The following CHD6 variants were observed in gnomAD, a reference collection of about 807,000 sequenced individuals.
CHD6 encodes ATP-dependent chromatin remodeler CHD6.
In CHD6, 50 loss-of-function variants were observed where a neutral mutation model predicts 276.9. That is an observed-to-expected ratio of 0.18 (90% confidence interval 0.14 to 0.23). CHD6 has a LOEUF of 0.23. CHD6 is among the 10% of genes least tolerant of loss of function. The pLI, the probability that CHD6 is intolerant of heterozygous loss-of-function variation, is 1.00. For synonymous variants in CHD6, 1,173 were observed against 1,229.3 expected, an observed-to-expected ratio of 0.95 and a Z score of 0.96; for missense variants, 2,564 against 3,365.8, an observed-to-expected ratio of 0.76 and a Z score of 5.89.
chr20:41,545,577 C>T (rs1198716440), intron 2 of CHD6, among the ~76,000 whole-genome samples: 1 of 152,132 alleles, frequency 6.6e-6, no homozygotes, highest in Non-Finnish European at 1.5e-5. Context: ...ACCATATTAT[C>T]AACTTTGCTA....
intron 20 of CHD6, among the ~76,000 whole-genome samples, chr20:41,454,252 G>A (rs780140028): frequency 6.6e-6 from 1 of 152,300 alleles, no homozygotes; most frequent in East Asian, 1.9e-4. Context: ...ACAAACTTTT[G>A]TCATGCTTTT....
chr20:41,545,122 TA>T (rs1386617677), intron 2 of CHD6, among the ~76,000 whole-genome samples: 9 of 152,300 alleles, frequency 5.9e-5, no homozygotes, highest in Middle Eastern at 3.4e-3. Flanking sequence ...TATCCTCCTC[TA>T]ACTCTCCCCA....
At chr20:41,546,547 C>A (rs1399882480) in intron 2 of CHD6, among the ~76,000 whole-genome samples, 20 of 152,140 alleles carry the variant, frequency 1.3e-4, no homozygotes, top group Non-Finnish European at 2.9e-5. Context: ...TTTCCCAGTG[C>A]CAAGCAGGAG....
intron 23 of CHD6, 132 bp from the exon 24 acceptor site, chr20:41,448,103 G>C: frequency 2.1e-6 from 1 of 483,016 alleles, no homozygotes; most frequent in Non-Finnish European, 3.7e-6. Context: ...AGAAGAGAAG[G>C]CACTAGAAAA....
At chr20:41,584,251 A>G (rs1248459782) in intron 1 of CHD6, among the ~76,000 whole-genome samples, 1 of 152,196 alleles carries the variant, frequency 6.6e-6, no homozygotes, top group East Asian at 1.9e-4. Flanking sequence ...ATAGAGAGAC[A>G]TCACATAATG....
intron 35 of CHD6, among the ~76,000 whole-genome samples, chr20:41,412,537 C>A (rs964648959): frequency 6.6e-6 from 1 of 152,200 alleles, no homozygotes; most frequent in Non-Finnish European, 1.5e-5. Flanking sequence ...GCTGCCAGGG[C>A]CCTGTTAATC....
Position 41,421,791 on chromosome 20 carries a change from T to A in CHD6, c.4844A>T (p.Tyr1615Phe). 6.2e-7 allele frequency: 1 copy of A among 1,614,186 alleles called. No homozygotes were observed. The highest frequency in any genetic ancestry group is 8.5e-7 in the Non-Finnish European group (1 of 1,180,040). The stretch of plus-strand genomic sequence containing the variant: ...GGTGCCAGATCTTTTATGCTGGGCA[T>A]AGTTTCTATAGGCATCCAGGAAGGA... ...QLSFLDAYRN[Y>F]AQHKRSGTQA... is the part of the protein sequence containing the mutation. The change falls in exon 31 of 37, where the codon TAT becomes TTT. Residue 1615 changes from tyrosine to phenylalanine, a missense_variant. Tyr to Phe is a conservative substitution (Grantham distance 22). Coordinates refer to ENST00000373233, the MANE Select transcript of CHD6 (RefSeq NM_032221.5).
At chr20:41,498,937 AG>A (rs2043763664) in intron 6 of CHD6, among the ~76,000 whole-genome samples, 1 of 151,940 alleles carries the variant, frequency 6.6e-6, no homozygotes. Flanking sequence ...GGCCTCTCAA[AG>A]TGATGGGATT....
intron 20 of CHD6, among the ~76,000 whole-genome samples, chr20:41,453,845 G>A (rs910041525): frequency 2.0e-5 from 3 of 152,162 alleles, no homozygotes; most frequent in Non-Finnish European, 4.4e-5. Flanking sequence ...AAAAGAGGGT[G>A]GATTAAGCAA....
intron 31 of CHD6, among the ~76,000 whole-genome samples, chr20:41,418,917 G>A (rs372014542): frequency 6.6e-6 from 1 of 152,210 alleles, no homozygotes; most frequent in East Asian, 1.9e-4. Context: ...TGCCATCAAA[G>A]GACACCAGTT....
In CHD6 at chr20:41,421,222, G is replaced by C. The variant is rs758158037; in HGVS notation, c.5413C>G (p.Leu1805Val). The C allele has an allele frequency of 1.2e-6, 2 of 1,613,652 alleles. No individual in the cohort carries two copies. Among genetic ancestry groups the C allele is most frequent in the Non-Finnish European group, 1.7e-6 (2 of 1,179,904 alleles). ...GGGGAAGCTAAACACTTGGCTTCCA[G>C]CTGGCCAATGTTTTCAGGTCTCTGT... Reference protein sequence around the residue: ...AGQRPENIGQLEAKCLASPSL... With the variant: ...AGQRPENIGQVEAKCLASPSL... Residue 1805 changes from leucine to valine, a missense_variant, in exon 31 of 37, where the codon CTG (leucine) becomes GTG (valine). By Grantham distance (32) the Leu-to-Val change is conservative. Coordinates refer to ENST00000373233, the MANE Select transcript of CHD6 (RefSeq NM_032221.5).
intron 1 of CHD6, among the ~76,000 whole-genome samples, chr20:41,570,535 C>G (rs1457869280): frequency 6.6e-6 from 1 of 152,154 alleles, no homozygotes. Context: ...CTTCCTTCAC[C>G]CCCAAATGAC....
chr20:41,425,138 G>C, intron 29 of CHD6, 40 bp downstream of exon 29: 1 of 1,545,978 alleles, frequency 6.5e-7, no homozygotes, highest in East Asian at 2.2e-5. Context: ...ACTTTACCCA[G>C]TGGGTGGCTG....
intron 1 of CHD6, among the ~76,000 whole-genome samples, chr20:41,554,625 A>G (rs2146159041): frequency 6.6e-6 from 1 of 151,234 alleles, no homozygotes; most frequent in South Asian, 2.1e-4. Context: ...GCATCTGTTT[A>G]ACAAAGCACA....
intron 29 of CHD6, among the ~76,000 whole-genome samples, chr20:41,424,309 C>T (rs940596508): frequency 3.3e-5 from 5 of 152,172 alleles, no homozygotes; most frequent in Non-Finnish European, 4.4e-5. Context: ...ATATCCTATA[C>T]GAGTAAGTCA....
At chr20:41,455,050 G>C (rs996671724) in intron 19 of CHD6, among the ~76,000 whole-genome samples, 1 of 152,178 alleles carries the variant, frequency 6.6e-6, no homozygotes, top group Non-Finnish European at 1.5e-5. Context: ...CTATGAAAGA[G>C]TTAACACTTA....
At chr20:41,506,211 C>T (rs1272675036) in intron 5 of CHD6, among the ~76,000 whole-genome samples, 1 of 152,208 alleles carries the variant, frequency 6.6e-6, no homozygotes, top group East Asian at 1.9e-4. Flanking sequence ...CTATTCACAA[C>T]CTAACATTCA....
intron 18 of CHD6, among the ~76,000 whole-genome samples, chr20:41,456,898 A>G (rs557179423): frequency 1.4e-4 from 22 of 152,212 alleles, no homozygotes; most frequent in Admixed American, 5.2e-4. Flanking sequence ...GGGGACATAG[A>G]TAAAATTGGT....
chr20:41,556,432 C>T (rs944040680), intron 1 of CHD6, among the ~76,000 whole-genome samples: 20 of 148,286 alleles, frequency 1.3e-4, no homozygotes, highest in African/African-American at 5.0e-4. Flanking sequence ...TGAACGTTTT[C>T]AATCCTTTTA....
Sources: gnomAD v4.1 joint callset for allele counts (sites outside exome capture counted in the v4.1 genomes callset) on GRCh38, gnomAD v4.1.1 for gene constraint, MANE v1.5 for transcripts, NCBI Gene and HGNC (gene_info 2026-07-23, HGNC 2026-07-21) for gene names.